The following LRP5 variants were observed in gnomAD, a reference collection of about 807,000 sequenced individuals.
The protein encoded by LRP5 is low-density lipoprotein receptor-related protein 5.
In LRP5, 62 loss-of-function variants were observed where a neutral mutation model predicts 154.1. The observed-to-expected ratio is 0.40, with a 90% confidence interval of 0.33 to 0.50. LRP5 has a LOEUF of 0.50. Ranked by LOEUF, LRP5 falls within the 20% of genes least tolerant of loss-of-function variation. The pLI is 0.55. For missense variants in LRP5, 1,915 were observed against 2,336.7 expected (o/e 0.82, Z 3.72); for synonymous variants, 966 against 1,011.5 (o/e 0.96, Z 0.85).
intron 1 of LRP5, among the ~76,000 whole-genome samples, chr11:68,341,059 C>CTTTTTTTTTTTTTTTTTTTTTTTTTT (rs576462333): frequency 9.6e-5 from 8 of 83,480 alleles, no homozygotes; most frequent in African/African-American, 2.9e-4. Flanking sequence ...GGAGATTGTT[C>CTTTTTTTTTTTTTTTTTTTTTTTTTT]TTTTTTTTTT....
chr11:68,445,445 G>C (rs754485388), intron 21 of LRP5: 49 of 387,800 alleles, frequency 1.3e-4, no homozygotes, highest in Non-Finnish European at 1.9e-4. Flanking sequence ...GCAGCCAGAA[G>C]GTGGTAAAAC....
intron 18 of LRP5, among the ~76,000 whole-genome samples, chr11:68,435,819 A>G (rs1419953799): frequency 1.3e-5 from 2 of 152,094 alleles, no homozygotes; most frequent in Non-Finnish European, 2.9e-5. Flanking sequence ...TCCACCTCCC[A>G]GGTTCAAGCG....
At chr11:68,326,866 C>T (rs891940168) in intron 1 of LRP5, among the ~76,000 whole-genome samples, 10 of 152,180 alleles carry the variant, frequency 6.6e-5, no homozygotes, top group South Asian at 2.1e-4. Context: ...GAGGGGTCCC[C>T]GGGGAGGCAT....
chr11:68,319,690 A>G (rs570941179), intron 1 of LRP5, among the ~76,000 whole-genome samples: 1 of 152,268 alleles, frequency 6.6e-6, no homozygotes, highest in Non-Finnish European at 1.5e-5. Context: ...GCTCTTGTTA[A>G]AAGCCAAGTG....
Position 68,394,007 on chromosome 11 carries a change from G to C in LRP5, c.1584+3955G>C, listed in dbSNP as rs372184851. On this transcript the variant is annotated intron_variant, in intron 7 of 22. Coordinates refer to ENST00000294304, the MANE Select transcript of LRP5 (RefSeq NM_002335.4). ...CAGCAGCTGTGTCATGTCACACAGC[G>C]AGCAGGGGGTCTCTGAGCCGTCTGA... 5.9e-5 allele frequency among the ~76,000 whole-genome samples: 9 copies of C among 152,178 alleles called. No individual in the cohort carries two copies. In the East Asian group the frequency reaches 1.7e-3, roughly 29 times the overall value.
At chr11:68,309,978 C>T (rs1200644171), upstream of LRP5, among the ~76,000 whole-genome samples, 1 of 152,224 alleles carries the variant, frequency 6.6e-6, no homozygotes, top group Non-Finnish European at 1.5e-5. Flanking sequence ...TTACTGAGCA[C>T]CTACTGTGTG....
At chr11:68,418,232 C>A (rs940469395) in intron 13 of LRP5, among the ~76,000 whole-genome samples, 1 of 152,020 alleles carries the variant, frequency 6.6e-6, no homozygotes, top group African/African-American at 2.4e-5. Flanking sequence ...TGGTGAAACC[C>A]CATCTCTACT....
rs144115017 is a variant in LRP5, at chr11:68,433,690, C to G, written c.3852C>G (p.Pro1284=). The change falls in exon 18 of 23, where the codon CCC becomes CCG. Residue 1284 remains proline (P), a synonymous_variant. Transcript: ENST00000294304. ...IPGAWRCDGF[P]ECDDQSDEEG... ...GGGCCTGGCGCTGTGACGGCTTTCC[C>G]GAGTGCGATGACCAGAGCGACGAGG... 1 of 1,613,174 alleles carries G rather than the reference C, an allele frequency of 6.2e-7. No homozygotes were observed. Among genetic ancestry groups the G allele is most frequent in the African/African-American group, 1.3e-5 (1 of 74,932 alleles).
rs574126728 is a variant in LRP5 at position 68,321,623 on chromosome 11, C to T, written c.91+8818C>T. On this transcript the variant is annotated intron_variant, in intron 1 of 22. Coordinates refer to ENST00000294304, the MANE Select transcript of LRP5 (RefSeq NM_002335.4). The stretch of plus-strand genomic sequence containing the variant: ...GAGGTGCCCTTTGTGCCGACTTGCC[C>T]GAGCCACTCCTGCTGCCCAACTCAC... 5.3e-4 allele frequency among the ~76,000 whole-genome samples: 81 copies of T among 152,224 alleles called. No homozygotes were observed. The Middle Eastern group carries it at 0.01, about 19-fold the overall frequency.
At chr11:68,323,654 A>G (rs1376981000) in intron 1 of LRP5, among the ~76,000 whole-genome samples, 1 of 152,152 alleles carries the variant, frequency 6.6e-6, no homozygotes, top group South Asian at 2.1e-4. Context: ...TCCTGGGCTT[A>G]AGTGATCCTC....
intron 1 of LRP5, among the ~76,000 whole-genome samples, chr11:68,341,712 C>A (rs2098609239): frequency 1.3e-5 from 2 of 152,196 alleles, no homozygotes; most frequent in African/African-American, 4.8e-5. Flanking sequence ...CTGCCGGCTC[C>A]TTCTTTCCCA....
Position 68,382,613 on chromosome 11 carries a change from C to T in LRP5, c.1016-3703C>T, listed in dbSNP as rs374244038. 3.7e-4 allele frequency among the ~76,000 whole-genome samples: 56 copies of T among 152,286 alleles called. 1 individual carries two copies. The highest frequency in any genetic ancestry group is 1.3e-3 in the African/African-American group (53 of 41,536). On this transcript the variant is annotated intron_variant, in intron 5 of 22. Transcript: ENST00000294304. ...TCCTTCCCTAGCAGCGGGTCCAGGG[C>T]CTGGCCTGAACTAGCTTCCCACAGA...
intron 1 of LRP5, among the ~76,000 whole-genome samples, chr11:68,321,506 G>T (rs527557484): frequency 1.8e-4 from 28 of 152,180 alleles, no homozygotes; most frequent in African/African-American, 1.9e-4. Flanking sequence ...ATGAGCTGGC[G>T]GTCTCAGGCT....
chr11:68,446,583 G>A (rs371753799), intron 22 of LRP5, 50 bp downstream of exon 22: 199 of 1,473,238 alleles, frequency 1.4e-4, no homozygotes, highest in East Asian at 3.6e-4. Flanking sequence ...CCGCCAGCCC[G>A]TGGTGGAGGG....
chr11:68,440,747 G>A (rs1163473569), intron 21 of LRP5, among the ~76,000 whole-genome samples: 1 of 152,082 alleles, frequency 6.6e-6, no homozygotes, highest in Admixed American at 6.6e-5. Flanking sequence ...CTCACATCTG[G>A]GGTCTTGTCT....
rs768840999 is a variant in LRP5, at chr11:68,425,172, C to T, written c.3307C>T (p.Arg1103Cys). Residue 1103 changes from arginine to cysteine, a missense_variant, in exon 15 of 23, where the codon CGC (arginine) becomes TGC (cysteine). Arg to Cys is a radical substitution (Grantham distance 180). Around this residue, in one of 3 missense-constraint regions of LRP5, gnomAD observed 1,094 missense variants for 1,210.1 expected, o/e 0.90. Coordinates refer to ENST00000294304, the MANE Select transcript of LRP5 (RefSeq NM_002335.4). The part of the protein sequence containing the change: ...IERAALDGTE[R>C]EVLFTTGLIR... ...ACGCGCAGCCCTGGACGGCACCGAG[C>T]GCGAGGTCCTCTTCACCACCGGCCT... 4.3e-6 allele frequency: 7 copies of T among 1,613,590 alleles called. No homozygotes were observed. The African/African-American group carries it at 6.7e-5, about 15-fold the overall frequency.
Position 68,347,953 on chromosome 11 carries a change from C to T in LRP5, c.198C>T (p.Ala66=), listed in dbSNP as rs763664158. 5.5e-5 allele frequency: 89 copies of T among 1,613,964 alleles called. No homozygotes were observed. Among genetic ancestry groups the T allele is most frequent in the East Asian group, 1.3e-4 (6 of 44,900 alleles). The change falls in exon 2 of 23, where the codon GCC becomes GCT. Residue 66 remains alanine, a synonymous_variant. Transcript: ENST00000294304. ...TIVVSGLEDA[A]AVDFQFSKGA... The stretch of plus-strand genomic sequence containing the variant: ...TGGTCAGCGGCCTGGAGGATGCGGC[C>T]GCAGTGGACTTCCAGTTTTCCAAGG...
At chr11:68,428,782 A>G (rs1346321946) in intron 16 of LRP5, among the ~76,000 whole-genome samples, 4 of 143,542 alleles carry the variant, frequency 2.8e-5, no homozygotes, top group Non-Finnish European at 6.0e-5. Flanking sequence ...CCCTTATACA[A>G]TGAAAGACGG....
rs557652322 is a variant in LRP5, at chr11:68,374,687, C to T, written c.1015+8985C>T. Among the ~76,000 whole-genome samples, 5 of 152,310 alleles carry T rather than the reference C, an allele frequency of 3.3e-5. No homozygotes were observed. The East Asian group carries it at 5.8e-4, about 18-fold the overall frequency. On this transcript the variant is annotated intron_variant, in intron 5 of 22. Transcript: ENST00000294304. The stretch of plus-strand genomic sequence containing the variant: ...GTGCCCCTTTGCCATCCTCAACCCC[C>T]GCCCCCTCCACCACTCTCCTGACTT...
Sources: allele counts gnomAD v4.1 joint callset (sites outside exome capture counted in the v4.1 genomes callset), GRCh38; gene constraint gnomAD v4.1.1; regional missense constraint gnomAD v4.1.1; transcripts MANE v1.5; gene names NCBI Gene and HGNC (gene_info 2026-07-23, HGNC 2026-07-21).